NKD1: variants seen among roughly 807,000 people sequenced by gnomAD.
NKD1 encodes protein naked cuticle homolog 1.
In NKD1, 21 loss-of-function variants were observed where a neutral mutation model predicts 56.0. That is an observed-to-expected ratio of 0.38 (90% CI 0.27 to 0.54). The LOEUF (loss-of-function observed/expected upper bound fraction) is 0.54, where lower values mean the gene tolerates loss of function less well. NKD1 is among the 20% of genes least tolerant of loss of function. NKD1 has a pLI of 0.82. For missense variants in NKD1, 578 were observed against 642.7 expected (o/e 0.90, Z 1.09); for synonymous variants, 263 against 265.7 (o/e 0.99, Z 0.10).
At chr16:50,550,775 CTTAT>C (rs1275476280) in intron 3 of NKD1, among the ~76,000 whole-genome samples, 1 of 152,140 alleles carries the variant, frequency 6.6e-6, no homozygotes, top group African/African-American at 2.4e-5. Flanking sequence ...TTTTGATCTA[CTTAT>C]TTATTTAAAG....
intron 8 of NKD1, among the ~76,000 whole-genome samples, 164 bp downstream of exon 8, chr16:50,631,074 A>C (rs1024899461): frequency 6.6e-6 from 1 of 152,202 alleles, no homozygotes; most frequent in African/African-American, 2.4e-5. Flanking sequence ...ACAAATAACT[A>C]CATGTAGTCC....
In NKD1 at chr16:50,548,745, G is replaced by A. The variant is rs760243361; in HGVS notation, c.54G>A (p.Pro18=). 3 of 1,426,894 alleles carry A rather than the reference G, an allele frequency of 2.1e-6. No individual in the cohort carries two copies. The highest frequency in any genetic ancestry group is 2.3e-4 in the Middle Eastern group (1 of 4,310). The allele number at this position is 1,426,894 out of a possible 1,614,324, so 88.4% of individuals were successfully genotyped here. The change falls in exon 2 of 10, where the codon CCG becomes CCA. Residue 18 remains proline, a synonymous_variant. Coordinates refer to ENST00000268459, the MANE Select transcript of NKD1 (RefSeq NM_033119.5). ...CCGTGTGCAAGCGCAGGGAGAGCCCGGAAGGTAGGGGCGCGCGGGGCGCAG... is the reference window on the plus strand; with the variant it reads ...CCGTGTGCAAGCGCAGGGAGAGCCCAGAAGGTAGGGGCGCGCGGGGCGCAG... ...PAAVCKRRES[P]EGDSFAVSAA...
intron 3 of NKD1, among the ~76,000 whole-genome samples, chr16:50,550,117 C>T (rs1346638791): frequency 6.6e-6 from 1 of 151,984 alleles, no homozygotes; most frequent in African/African-American, 2.4e-5. Flanking sequence ...CCTCATTCCA[C>T]TGTAGCCTGG....
intron 3 of NKD1, among the ~76,000 whole-genome samples, chr16:50,582,553 T>C (rs906697147): frequency 6.6e-6 from 1 of 152,236 alleles, no homozygotes; most frequent in African/African-American, 2.4e-5. Flanking sequence ...TGGGGCACTC[T>C]CGTGACACAG....
At position 50,625,530 on chromosome 16, in the gene NKD1, T is replaced by A; in HGVS notation, c.412T>A (p.Trp138Arg). The A allele has an allele frequency of 6.2e-7, 1 of 1,613,714 alleles. No individual in the cohort carries two copies. The highest frequency in any genetic ancestry group is 8.5e-7 in the Non-Finnish European group (1 of 1,179,816). ...CATGGAGGAGGACAGCCGGCAGGAG[T>A]GGACCTTCACCCTGTATGACTTTGA... ...VSMEEDSRQE[W>R]TFTLYDFDNN... The change falls in exon 6 of 10, where the codon TGG becomes AGG. Residue 138 changes from tryptophan (W) to arginine (R), a missense_variant. Coordinates refer to ENST00000268459, the MANE Select transcript of NKD1 (RefSeq NM_033119.5).
chr16:50,594,256 C>G (rs1348497100), intron 3 of NKD1, among the ~76,000 whole-genome samples: 1 of 152,244 alleles, frequency 6.6e-6, no homozygotes, highest in Non-Finnish European at 1.5e-5. Flanking sequence ...TCTCACGTAG[C>G]TGGATTGGCC....
At position 50,608,183 on chromosome 16, in the gene NKD1, C is replaced by G. The variant is rs1366311988; in HGVS notation, c.193-111C>G. 12 of 811,636 alleles carry G rather than the reference C, an allele frequency of 1.5e-5. No homozygotes were observed. The Admixed American group carries it at 1.9e-4, about 13-fold the overall frequency. 50.3% of individuals were successfully genotyped at this position (811,636 alleles called of 1,614,324 possible). Reference sequence around the variant, plus strand: ...TGCAATAGGATCTGCCTCAGTTGACCTGAATTCCAATCAGAAGAATCAGCC... The same window carrying G: ...TGCAATAGGATCTGCCTCAGTTGACGTGAATTCCAATCAGAAGAATCAGCC... On this transcript the variant is annotated intron_variant, in intron 3 of 9. Transcript: ENST00000268459.
chr16:50,584,416 C>T (rs1432152016), intron 3 of NKD1, among the ~76,000 whole-genome samples: 1 of 152,222 alleles, frequency 6.6e-6, no homozygotes, highest in East Asian at 1.9e-4. Flanking sequence ...CAAATTAGTA[C>T]ATGAATGTAA....
intron 6 of NKD1, 30 bp downstream of exon 6, chr16:50,625,610 G>A: frequency 1.4e-6 from 2 of 1,416,958 alleles, no homozygotes; most frequent in South Asian, 1.2e-5. Flanking sequence ...CTCTTGCCGT[G>A]TATCATACCC....
chr16:50,609,126 C>T (rs890563090), intron 4 of NKD1, among the ~76,000 whole-genome samples: 1 of 152,264 alleles, frequency 6.6e-6, no homozygotes, highest in Non-Finnish European at 1.5e-5. Context: ...CACCTGGCCA[C>T]TGCTTGCTTT....
intron 3 of NKD1, among the ~76,000 whole-genome samples, chr16:50,592,546 T>C (rs894937835): frequency 1.3e-5 from 2 of 152,086 alleles, no homozygotes; most frequent in African/African-American, 4.8e-5. Flanking sequence ...GGGCCTTCAG[T>C]AATGAGGGAG....
At chr16:50,562,467 G>A (rs1195099509) in intron 3 of NKD1, 26 of 162,952 alleles carry the variant, frequency 1.6e-4, no homozygotes, top group Non-Finnish European at 1.3e-5. Flanking sequence ...TCAAAAAGGT[G>A]ATGTATTTTA....
intron 3 of NKD1, among the ~76,000 whole-genome samples, chr16:50,577,435 A>G (rs1157386177): frequency 6.6e-6 from 1 of 152,234 alleles, no homozygotes; most frequent in Non-Finnish European, 1.5e-5. Flanking sequence ...CACTACCATC[A>G]AGGCCATAGA....
rs543878913 is a variant in NKD1, at chr16:50,553,026, G to A, written c.192+3471G>A. 7.9e-5 allele frequency among the ~76,000 whole-genome samples: 12 copies of A among 152,334 alleles called. No individual in the cohort carries two copies. In the East Asian group the frequency reaches 1.2e-3, roughly 15 times the overall value. ...AGGAGCAATAAACTGATCAGCACAC[G>A]CGGCAAAGAACACCATGTTAAACAA... On this transcript the variant is annotated intron_variant, in intron 3 of 9. Coordinates refer to ENST00000268459, the MANE Select transcript of NKD1 (RefSeq NM_033119.5).
chr16:50,616,984 C>T (rs1398529555), intron 4 of NKD1, among the ~76,000 whole-genome samples: 1 of 152,240 alleles, frequency 6.6e-6, no homozygotes, highest in Non-Finnish European at 1.5e-5. Context: ...CCGAGGAGCT[C>T]ACCCTGTTGT....
rs1282682425 is a variant in NKD1 at position 50,640,630 on chromosome 16, G to A, written c.*6849G>A. 2 of 152,152 alleles carry A rather than the reference G, an allele frequency of 1.3e-5. No homozygotes were observed. The highest frequency in any genetic ancestry group is 4.8e-5 in the African/African-American group (2 of 41,426). The allele number at this position is 152,152 out of a possible 1,614,324, so 9.4% of individuals were successfully genotyped here. ...CAAGGGAGGGAGGAGGGAGTGGAGT[G>A]GAGATTTCTCATCCTTTCCTGTTAA... On this transcript the variant is annotated 3_prime_UTR_variant, in exon 10 of 10. Transcript: ENST00000268459.
chr16:50,595,139 C>T (rs1961446564), intron 3 of NKD1, among the ~76,000 whole-genome samples: 1 of 152,164 alleles, frequency 6.6e-6, no homozygotes, highest in African/African-American at 2.4e-5. Flanking sequence ...CCTCTGCTCC[C>T]CGAGGGAACT....
rs1961533783 is a variant in NKD1, at chr16:50,598,848, A to G, written c.193-9446A>G. ...GTGGCATGGTAGAGTCAGTGGTGCAATGTTCAGTGGTGTGGCGGGCAGTGG... is the reference window on the plus strand; with the variant it reads ...GTGGCATGGTAGAGTCAGTGGTGCAGTGTTCAGTGGTGTGGCGGGCAGTGG... On this transcript the variant is annotated intron_variant, in intron 3 of 9. Transcript: ENST00000268459. This position sits in a 1 kb window ranked among gnomAD's most constrained non-coding sequence, Gnocchi z 4.2. 7.2e-6 allele frequency among the ~76,000 whole-genome samples: 1 copy of G among 139,568 alleles called. No individual in the cohort carries two copies. The allele number at this position is 139,568 out of a possible 152,430, so 91.6% of individuals were successfully genotyped here. A position where few individuals can be genotyped will look rare whatever the true frequency, so the allele number is the denominator to read the frequency against.
Position 50,637,880 on chromosome 16 carries a change from G to C in NKD1, c.*4099G>C, listed in dbSNP as rs552823679. ...CTGCTGATCTGTCACTGGGTACCGAGGACTGGGTGTGTTTAAGGCAGACAG... is the reference window on the plus strand; with the variant it reads ...CTGCTGATCTGTCACTGGGTACCGACGACTGGGTGTGTTTAAGGCAGACAG... On this transcript the variant is annotated 3_prime_UTR_variant, in exon 10 of 10. Coordinates refer to ENST00000268459, the MANE Select transcript of NKD1 (RefSeq NM_033119.5). 2 of 152,370 alleles carry C rather than the reference G, an allele frequency of 1.3e-5. No individual in the cohort carries two copies. Among genetic ancestry groups the C allele is most frequent in the East Asian group, 1.9e-4 (1 of 5,186 alleles). 9.4% of individuals were successfully genotyped at this position (152,370 alleles called of 1,614,324 possible). A position where few individuals can be genotyped will look rare whatever the true frequency, so the allele number is the denominator to read the frequency against.
Sources: gnomAD v4.1 joint callset for allele counts (sites outside exome capture counted in the v4.1 genomes callset) on GRCh38, gnomAD v4.1.1 for gene constraint, Gnocchi (gnomAD v3.1) non-coding constraint, MANE v1.5 for transcripts, NCBI Gene and HGNC (gene_info 2026-07-23, HGNC 2026-07-21) for gene names.